Variants in MGAT4C observed in about 807,000 individuals in gnomAD.
The protein encoded by MGAT4C is MGAT4 family member C, also known as alpha-1,3-mannosyl-glycoprotein 4-beta-N-acetylglucosaminyltransferase C.
Under a neutral mutation model 40.1 loss-of-function variants are expected in MGAT4C, and 19 were observed. That is an observed-to-expected ratio of 0.47 (90% CI 0.33 to 0.70). The LOEUF (loss-of-function observed/expected upper bound fraction) is 0.70, where lower values mean the gene tolerates loss of function less well. MGAT4C is among the 30% of genes least tolerant of loss of function. The pLI is 0.02. For missense variants in MGAT4C, 491 were observed against 563.2 expected, an observed-to-expected ratio of 0.87 and a Z score of 1.30; for synonymous variants, 181 against 187.1, an observed-to-expected ratio of 0.97 and a Z score of 0.27.
intron 1 of MGAT4C, among the ~76,000 whole-genome samples, chr12:86,835,001 CAT>C (rs1389525359): frequency 7.2e-5 from 11 of 152,006 alleles, no homozygotes; most frequent in Admixed American, 1.3e-4. Context: ...CAATATAACA[CAT>C]GTCTGCCTTT....
chr12:86,216,410 T>C (rs751144483), intron 1 of MGAT4C, among the ~76,000 whole-genome samples: 2 of 152,208 alleles, frequency 1.3e-5, no homozygotes, highest in Non-Finnish European at 2.9e-5. Flanking sequence ...ACAAATATTA[T>C]TCAAACGATG....
At chr12:86,832,843 G>C (rs570737611) in intron 1 of MGAT4C, among the ~76,000 whole-genome samples, 1 of 151,796 alleles carries the variant, frequency 6.6e-6, no homozygotes, top group African/African-American at 2.4e-5. Context: ...AAGTACTCTG[G>C]AAGGTTGCTA....
chr12:86,263,943 T>C (rs1051736615), intron 4 of MGAT4C, among the ~76,000 whole-genome samples: 1 of 152,234 alleles, frequency 6.6e-6, no homozygotes, highest in African/African-American at 2.4e-5. Context: ...TTTTTTCATA[T>C]ACCTATTGGT....
chr12:86,443,767 G>C (rs1957280658), intron 2 of MGAT4C, among the ~76,000 whole-genome samples: 1 of 151,898 alleles, frequency 6.6e-6, no homozygotes, highest in African/African-American at 2.4e-5. Flanking sequence ...CTAATTTTTT[G>C]TATTTTTTAG....
Position 86,239,615 on chromosome 12 carries a change from G to A in MGAT4C, c.-57+16624C>T, listed in dbSNP as rs371821538. On this transcript the variant is annotated intron_variant, in intron 1 of 4. Transcript: ENST00000611864. ...TTATGTGGAAAGTAGGAAGAGAAAT[G>A]TTATTCATCCTTTTATAAAGTTTGA... Among the ~76,000 whole-genome samples, 26 of 152,126 alleles carry A rather than the reference G, an allele frequency of 1.7e-4. No individual in the cohort carries two copies. The East Asian group carries it at 3.1e-3, about 18-fold the overall frequency.
chr12:86,551,931 A>G (rs1959382364), intron 2 of MGAT4C, among the ~76,000 whole-genome samples: 1 of 151,792 alleles, frequency 6.6e-6, no homozygotes, highest in Non-Finnish European at 1.5e-5. Context: ...CTCCACCTAT[A>G]CAAATAAGCC....
chr12:86,518,364 G>C (rs1394285306), intron 2 of MGAT4C, among the ~76,000 whole-genome samples: 2 of 152,072 alleles, frequency 1.3e-5, no homozygotes, highest in Non-Finnish European at 2.9e-5. Context: ...ATAAGACAAA[G>C]TAAAGAAATA....
chr12:86,468,204 C>T (rs965170794), intron 2 of MGAT4C, among the ~76,000 whole-genome samples: 2 of 152,124 alleles, frequency 1.3e-5, no homozygotes, highest in Non-Finnish European at 2.9e-5. Flanking sequence ...ACAAACACAA[C>T]CATCCCCATG....
chr12:86,700,178 C>CAGAT (rs370834701), intron 2 of MGAT4C, among the ~76,000 whole-genome samples: 1,785 of 140,716 alleles, frequency 0.013, 41 homozygotes, highest in African/African-American at 0.041. Flanking sequence ...GACAGACAGA[C>CAGAT]AGATAGATAG....
intron 1 of MGAT4C, among the ~76,000 whole-genome samples, chr12:86,824,241 G>A (rs974386158): frequency 2.6e-5 from 4 of 151,346 alleles, no homozygotes; most frequent in Non-Finnish European, 4.4e-5. Context: ...TAGTCCCAAA[G>A]CACAAGAGTA....
chr12:86,445,783 A>G, intron 2 of MGAT4C, among the ~76,000 whole-genome samples: 1 of 152,314 alleles, frequency 6.6e-6, no homozygotes, highest in Non-Finnish European at 1.5e-5. Context: ...GATGTAATAA[A>G]CAAATATTAT....
rs137898380 is a variant in MGAT4C, at chr12:86,267,488, G to A, written c.-57+66577C>T. Among the ~76,000 whole-genome samples the A allele has an allele frequency of 2.0e-3, 301 of 152,090 alleles. 1 individual carries two copies. The highest frequency in any genetic ancestry group is 6.7e-3 in the African/African-American group (277 of 41,508). On this transcript the variant is annotated intron_variant, in intron 4 of 7. Transcript: ENST00000548651. ...CACCACTTCAAAATTCTACCAAGAC[G>A]CAAAAACAGACAGAAAGAAACAAAG...
At chr12:86,809,886 T>C (rs1262410799) in intron 1 of MGAT4C, among the ~76,000 whole-genome samples, 4 of 152,072 alleles carry the variant, frequency 2.6e-5, no homozygotes, top group Non-Finnish European at 2.9e-5. Flanking sequence ...AATAAACTTG[T>C]CTATGTCTAT....
chr12:86,286,835 G>A (rs1953363772), intron 4 of MGAT4C, among the ~76,000 whole-genome samples: 2 of 151,524 alleles, frequency 1.3e-5, no homozygotes, highest in Admixed American at 1.3e-4. Flanking sequence ...GAGAACATGT[G>A]GTATTTGTTT....
chr12:86,764,291 G>C (rs1409002967), intron 1 of MGAT4C, among the ~76,000 whole-genome samples: 1 of 152,268 alleles, frequency 6.6e-6, no homozygotes, highest in South Asian at 2.1e-4. Flanking sequence ...CAAACTGCAA[G>C]GCGGCAGCGA....
At chr12:86,146,493 A>G (rs899406237) in intron 1 of MGAT4C, among the ~76,000 whole-genome samples, 5 of 152,104 alleles carry the variant, frequency 3.3e-5, no homozygotes, top group African/African-American at 1.2e-4. Flanking sequence ...GTTAATTTTA[A>G]AAGTATTTTT....
chr12:86,045,702 G>A (rs2136952796), intron 2 of MGAT4C, among the ~76,000 whole-genome samples: 1 of 152,224 alleles, frequency 6.6e-6, no homozygotes, highest in Non-Finnish European at 1.5e-5. Context: ...ATTTGTCTAT[G>A]TGTAAGGAGG....
At position 86,659,164 on chromosome 12, in the gene MGAT4C, T is replaced by C. The variant is rs118084275; in HGVS notation, c.-229+68045A>G. On this transcript the variant is annotated intron_variant, in intron 2 of 7. Transcript: ENST00000548651. Reference sequence around the variant, plus strand: ...TTCCTCTAATGTGTTTCATTTTTTATAGCACTTTTTTTTCACTTAACATGT... The same window carrying C: ...TTCCTCTAATGTGTTTCATTTTTTACAGCACTTTTTTTTCACTTAACATGT... Among the ~76,000 whole-genome samples, 986 of 152,230 alleles carry C rather than the reference T, an allele frequency of 6.5e-3. 8 individuals are homozygous for C. Among genetic ancestry groups the C allele is most frequent in the Non-Finnish European group, 9.3e-3 (632 of 67,996 alleles).
chr12:86,469,260 G>A (rs1167626858), intron 2 of MGAT4C, among the ~76,000 whole-genome samples: 1 of 152,096 alleles, frequency 6.6e-6, no homozygotes, highest in Non-Finnish European at 1.5e-5. Flanking sequence ...ACCCTGTTGT[G>A]TAAGGCTTCT....
Sources: gnomAD v4.1 joint callset for allele counts (sites outside exome capture counted in the v4.1 genomes callset) on GRCh38, gnomAD v4.1.1 for gene constraint, MANE v1.5 for transcripts, NCBI Gene and HGNC (gene_info 2026-07-23, HGNC 2026-07-21) for gene names.